SUMO3: variants seen among roughly 807,000 people sequenced by gnomAD.
The protein encoded by SUMO3 is small ubiquitin like modifier 3, also known as small ubiquitin-related modifier 3.
SUMO3 carries 2 observed loss-of-function variants against 11.1 expected under a neutral mutation model. That is an observed-to-expected ratio of 0.18 (90% CI 0.07 to 0.57). SUMO3 has a LOEUF of 0.57. Ranked by LOEUF, SUMO3 falls within the 20% of genes least tolerant of loss-of-function variation. The pLI is 0.92. For missense variants in SUMO3, 70 were observed against 132.8 expected, an observed-to-expected ratio of 0.53 and a Z score of 2.32; for synonymous variants, 56 against 53.5, an observed-to-expected ratio of 1.05 and a Z score of -0.20.
Position 44,811,850 on chromosome 21 carries a change from T to C in SUMO3, c.150+2126A>G, listed in dbSNP as rs141098602. 5.4e-3 allele frequency among the ~76,000 whole-genome samples: 821 copies of C among 152,142 alleles called. 7 individuals carry two copies. The highest frequency in any genetic ancestry group is 0.019 in the African/African-American group (775 of 41,490). On this transcript the variant is annotated intron_variant, in intron 2 of 3. Coordinates refer to ENST00000332859, the MANE Select transcript of SUMO3 (RefSeq NM_006936.3). This position sits in a 1 kb window ranked among gnomAD's most constrained non-coding sequence, Gnocchi z 5.0. The stretch of plus-strand genomic sequence containing the variant: ...AGAGTCTGGAGAAGGATACAAATTA[T>C]CAGAGAACTAACATAAGGCATATTT...
chr21:44,814,516 C>G (rs988030506), intron 1 of SUMO3, among the ~76,000 whole-genome samples: 29 of 152,240 alleles, frequency 1.9e-4, no homozygotes, highest in African/African-American at 6.8e-4. Context: ...GTCTGGGCAA[C>G]AGAGCAAGAC....
At chr21:44,815,850 C>T (rs770481330) in intron 1 of SUMO3, among the ~76,000 whole-genome samples, 10 of 152,268 alleles carry the variant, frequency 6.6e-5, no homozygotes, top group Middle Eastern at 6.8e-3. Flanking sequence ...AGCAAGTGAA[C>T]TCGTGAGTTA....
intron 2 of SUMO3, 106 bp downstream of exon 2, chr21:44,813,870 G>A (rs2083227677): frequency 6.3e-7 from 1 of 1,587,580 alleles, no homozygotes; most frequent in Non-Finnish European, 8.5e-7. Flanking sequence ...ACCTCGGGCA[G>A]CTGCATCTGG....
chr21:44,816,718 T>A (rs1485471372), intron 1 of SUMO3, among the ~76,000 whole-genome samples: 1 of 150,952 alleles, frequency 6.6e-6, no homozygotes, highest in African/African-American at 2.4e-5. Flanking sequence ...GAATGCAGGG[T>A]GCATACCCCA....
At chr21:44,809,008 C>G (rs372086437) in intron 3 of SUMO3, 39 bp downstream of exon 3, 2 of 1,582,738 alleles carry the variant, frequency 1.3e-6, no homozygotes, top group Admixed American at 3.3e-5. Context: ...CCGCACAAAT[C>G]GGAAGTCGCC....
At chr21:44,813,816 A>T in intron 2 of SUMO3, 160 bp downstream of exon 2, 1 of 1,524,216 alleles carries the variant, frequency 6.6e-7, no homozygotes, top group South Asian at 1.2e-5. Context: ...AGCCTGGACT[A>T]ATTTTACAGC....
In SUMO3 at chr21:44,807,957, C is replaced by A. The variant is rs2838693; in HGVS notation, c.223-917G>T. 0.2 allele frequency among the ~76,000 whole-genome samples: 30,329 copies of A among 152,204 alleles called. 4,052 individuals are homozygous for A. Among genetic ancestry groups the A allele is most frequent in the East Asian group, 0.56 (2,894 of 5,170 alleles). Reference sequence around the variant, plus strand: ...GTGTGTAGGTTTCCTCAAGTAGGTACAAATGGATACTTGTTGCAAAGATGT... The same window carrying A: ...GTGTGTAGGTTTCCTCAAGTAGGTAAAAATGGATACTTGTTGCAAAGATGT... On this transcript the variant is annotated intron_variant, in intron 3 of 3. Transcript: ENST00000332859. This position sits in a 1 kb window ranked among gnomAD's most constrained non-coding sequence, Gnocchi z 4.3.
At position 44,806,923 on chromosome 21, in the gene SUMO3, T is replaced by G. The variant is rs765658154; in HGVS notation, c.*28A>C. The G allele has an allele frequency of 6.2e-7, 1 of 1,613,948 alleles. No individual in the cohort carries two copies. Among genetic ancestry groups the G allele is most frequent in the South Asian group, 1.1e-5 (1 of 91,062 alleles). On this transcript the variant is annotated 3_prime_UTR_variant, in exon 4 of 4. Transcript: ENST00000332859. ...TCACCATTCAACAGCAATGCGAGGA[T>G]GGACGGCCCGGGCTGGGGACGGGCC...
chr21:44,817,097 G>T (rs564035339), intron 1 of SUMO3, among the ~76,000 whole-genome samples: 1 of 139,672 alleles, frequency 7.2e-6, no homozygotes, highest in South Asian at 2.4e-4. Flanking sequence ...CACCAGGGAC[G>T]CGATGATGGG....
At chr21:44,813,447 T>A (rs2083224324) in intron 2 of SUMO3, 1 of 213,838 alleles carries the variant, frequency 4.7e-6, no homozygotes, top group African/African-American at 2.3e-5. Flanking sequence ...GCACTGCCAG[T>A]GGGGCAGCTC....
In SUMO3 at chr21:44,810,568, G is replaced by A. The variant is rs1249214502; in HGVS notation, c.151-1450C>T. ...GGCGGAAACAGGCCCACGAAAGCGC[G>A]TGCCCTCAACACTGTGCGCCAAGTC... On this transcript the variant is annotated intron_variant, in intron 2 of 3. Transcript: ENST00000332859. This position sits in a 1 kb window ranked among gnomAD's most constrained non-coding sequence, Gnocchi z 4.1. Among the ~76,000 whole-genome samples the A allele has an allele frequency of 2.6e-5, 4 of 152,178 alleles. No individual in the cohort carries two copies. The highest frequency in any genetic ancestry group is 4.8e-5 in the African/African-American group (2 of 41,424).
chr21:44,815,442 G>A (rs1186538155), intron 1 of SUMO3, among the ~76,000 whole-genome samples: 1 of 152,164 alleles, frequency 6.6e-6, no homozygotes, highest in Non-Finnish European at 1.5e-5. Flanking sequence ...AGACACCCCT[G>A]CCCACTCCCG....
chr21:44,813,685 G>A, intron 2 of SUMO3: 2 of 838,534 alleles, frequency 2.4e-6, no homozygotes, highest in Non-Finnish European at 1.8e-6. Context: ...CTTCACAGAT[G>A]TTAGTACCCC....
At chr21:44,813,115 G>A (rs1601216245) in intron 2 of SUMO3, among the ~76,000 whole-genome samples, 1 of 152,246 alleles carries the variant, frequency 6.6e-6, no homozygotes, top group Non-Finnish European at 1.5e-5. Context: ...TCCAAAGTGG[G>A]AGGGAAAGAG....
rs1363073679 is a variant in SUMO3, at chr21:44,814,085, TTC to T, written c.39_40del (p.Asn14Ter). On this transcript the variant is annotated frameshift_variant, in exon 2 of 4. Coordinates refer to ENST00000332859, the MANE Select transcript of SUMO3 (RefSeq NM_006936.3). LOFTEE classifies it high-confidence loss of function. ...GGCCACCTTCAGGTTGATGTGGTCA[TTC>T]TCTGTCTTCACACCCTCCTGCAGAA... is the stretch of plus-strand genomic sequence containing the variant. 1 of 1,613,880 alleles carries T rather than the reference TTC, an allele frequency of 6.2e-7. No individual in the cohort carries two copies. Among genetic ancestry groups the T allele is most frequent in the African/African-American group, 1.3e-5 (1 of 74,908 alleles).
chr21:44,810,487 G>A lies in SUMO3; in HGVS notation c.151-1369C>T, dbSNP rs1320136541. 1.4e-5 allele frequency among the ~76,000 whole-genome samples: 2 copies of A among 141,932 alleles called. No individual in the cohort carries two copies. Among genetic ancestry groups the A allele is most frequent in the Non-Finnish European group, 3.0e-5 (2 of 67,228 alleles). 93.1% of individuals were successfully genotyped at this position (141,932 alleles called of 152,430 possible). On this transcript the variant is annotated intron_variant, in intron 2 of 3. Transcript: ENST00000332859. This position sits in a 1 kb window ranked among gnomAD's most constrained non-coding sequence, Gnocchi z 4.1. ...ACCCCCACAACCCTGTGCCTCCCAC[G>A]GCAGCACACATGAGATGTGCTTTCT...
intron 1 of SUMO3, among the ~76,000 whole-genome samples, chr21:44,815,050 G>A (rs1246809297): frequency 3.9e-5 from 6 of 152,206 alleles, no homozygotes; most frequent in South Asian, 2.1e-4. Flanking sequence ...GGGCCCTCCG[G>A]CTCACTCTGA....
Position 44,806,934 on chromosome 21 carries a change from G to A in SUMO3, c.*17C>T, listed in dbSNP as rs148509510. 1 of 1,614,002 alleles carries A rather than the reference G, an allele frequency of 6.2e-7. No individual in the cohort carries two copies. Among genetic ancestry groups the A allele is most frequent in the South Asian group, 1.1e-5 (1 of 91,074 alleles). On this transcript the variant is annotated 3_prime_UTR_variant, in exon 4 of 4. Coordinates refer to ENST00000332859, the MANE Select transcript of SUMO3 (RefSeq NM_006936.3). ...CAGCAATGCGAGGATGGACGGCCCGGGCTGGGGACGGGCCCTCTAGAAACT... is the reference window on the plus strand; with the variant it reads ...CAGCAATGCGAGGATGGACGGCCCGAGCTGGGGACGGGCCCTCTAGAAACT...
At chr21:44,813,577 C>T (rs969155452) in intron 2 of SUMO3, 17 of 500,010 alleles carry the variant, frequency 3.4e-5, no homozygotes, top group Admixed American at 3.2e-5. Flanking sequence ...CCAGCTCATA[C>T]GCGAGGACAG....
Sources: allele counts gnomAD v4.1 joint callset (sites outside exome capture counted in the v4.1 genomes callset), GRCh38; gene constraint gnomAD v4.1.1; non-coding constraint Gnocchi (gnomAD v3.1); transcripts MANE v1.5; gene names NCBI Gene and HGNC (gene_info 2026-07-23, HGNC 2026-07-21).